Variants in OPRM1 observed in about 807,000 individuals in gnomAD.
OPRM1 encodes the protein mu-type opioid receptor.
Under a neutral mutation model 31.8 loss-of-function variants are expected in OPRM1, and 27 were observed. That is an observed-to-expected ratio of 0.85 (90% CI 0.63 to 1.17). The LOEUF is 1.17. Among genes scored for constraint, OPRM1 ranks in the 50% most tolerant of loss-of-function variants. The pLI, the probability that OPRM1 is intolerant of heterozygous loss-of-function variation, is 0.00. For missense variants in OPRM1, 536 were observed against 511.1 expected (o/e 1.05, Z -0.47); for synonymous variants, 196 against 189.9 (o/e 1.03, Z -0.26).
chr6:154,211,580 A>G (rs564171533), intron 3 of OPRM1, among the ~76,000 whole-genome samples: 1 of 152,300 alleles, frequency 6.6e-6, no homozygotes, highest in Admixed American at 6.5e-5. Flanking sequence ...CATGACCTAG[A>G]ATAGGAAACA....
intron 3 of OPRM1, chr6:154,246,641 AC>A: frequency 1.2e-6 from 2 of 1,613,962 alleles, no homozygotes; most frequent in South Asian, 2.2e-5. Context: ...ATCACCCAGA[AC>A]TTTTTCCATT....
intron 3 of OPRM1, among the ~76,000 whole-genome samples, chr6:154,244,596 T>G (rs1780883307): frequency 6.6e-6 from 1 of 152,176 alleles, no homozygotes; most frequent in Non-Finnish European, 1.5e-5. Flanking sequence ...GCCTAGTCTG[T>G]CAACACTGCT....
intron 1 of OPRM1, chr6:154,087,329 T>C (rs1453004181): frequency 1.0e-6 from 1 of 985,350 alleles, no homozygotes; most frequent in African/African-American, 1.7e-5. Flanking sequence ...AATTCAGTCC[T>C]AAACAAAGGG....
chr6:154,184,769 G>A (rs1801192328), intron 3 of OPRM1, among the ~76,000 whole-genome samples: 1 of 150,180 alleles, frequency 6.7e-6, no homozygotes, highest in Non-Finnish European at 1.5e-5. Context: ...TTTTTTCTTG[G>A]TATCTTTCCA....
upstream of OPRM1, among the ~76,000 whole-genome samples, chr6:154,035,992 T>C (rs1408853842): frequency 2.0e-5 from 3 of 152,084 alleles, no homozygotes; most frequent in African/African-American, 7.2e-5. Context: ...ATAATTATGT[T>C]TGTAATAAAT....
intron 3 of OPRM1, among the ~76,000 whole-genome samples, chr6:154,100,350 T>C (rs747511879): frequency 5.3e-5 from 8 of 150,910 alleles, no homozygotes; most frequent in Non-Finnish European, 1.2e-4. Flanking sequence ...GCCAGTGGTG[T>C]GTGCTAAAGG....
At chr6:154,208,396 G>A (rs1016870563) in intron 3 of OPRM1, among the ~76,000 whole-genome samples, 10 of 152,136 alleles carry the variant, frequency 6.6e-5, no homozygotes, top group East Asian at 1.9e-4. Context: ...TCAGTCGGAC[G>A]TGTCCTGGCT....
intron 3 of OPRM1, among the ~76,000 whole-genome samples, chr6:154,175,433 T>C (rs1465773320): frequency 2.7e-5 from 4 of 146,912 alleles, no homozygotes; most frequent in Non-Finnish European, 6.0e-5. Flanking sequence ...ATGGTAGCAA[T>C]ACTAATAAAG....
intron 3 of OPRM1, among the ~76,000 whole-genome samples, chr6:154,187,046 C>A (rs1801433666): frequency 1.3e-5 from 2 of 152,200 alleles, no homozygotes; most frequent in African/African-American, 2.4e-5. Flanking sequence ...TCTACACACT[C>A]CACACTCTGT....
intron 3 of OPRM1, among the ~76,000 whole-genome samples, chr6:154,140,394 G>T (rs1024118997): frequency 6.6e-6 from 1 of 150,996 alleles, no homozygotes; most frequent in South Asian, 2.1e-4. Context: ...GCAGTGGCAC[G>T]ATCTCAGATC....
intron 3 of OPRM1, among the ~76,000 whole-genome samples, chr6:154,183,654 T>C (rs959233794): frequency 6.6e-6 from 1 of 152,148 alleles, no homozygotes; most frequent in Admixed American, 6.5e-5. Context: ...ATCCCAGGAC[T>C]TTTTGAGGCC....
At chr6:154,216,747 A>C (rs1778426781) in intron 3 of OPRM1, among the ~76,000 whole-genome samples, 1 of 152,196 alleles carries the variant, frequency 6.6e-6, no homozygotes, top group South Asian at 2.1e-4. Context: ...ACACGCCTAT[A>C]ATCCCAGCTA....
At chr6:154,153,422 G>T (rs1157987073) in intron 3 of OPRM1, among the ~76,000 whole-genome samples, 5 of 152,168 alleles carry the variant, frequency 3.3e-5, no homozygotes, top group Admixed American at 3.3e-4. Context: ...GGTGGCTTAC[G>T]CCTGTAATCC....
At chr6:154,042,501 T>C (rs1460472985) in intron 1 of OPRM1, among the ~76,000 whole-genome samples, 3 of 152,244 alleles carry the variant, frequency 2.0e-5, no homozygotes, top group Middle Eastern at 3.2e-3. Flanking sequence ...TAAAATGTTT[T>C]AGTACATTGA....
chr6:154,185,407 AAGTT>A (rs1801250641), intron 3 of OPRM1, among the ~76,000 whole-genome samples: 1 of 152,200 alleles, frequency 6.6e-6, no homozygotes, highest in Non-Finnish European at 1.5e-5. Context: ...TAATGGCAAA[AAGTT>A]AGAGTTTAGA....
At chr6:154,096,401 A>G (rs1211522534) in intron 3 of OPRM1, among the ~76,000 whole-genome samples, 9 of 152,080 alleles carry the variant, frequency 5.9e-5, no homozygotes. Flanking sequence ...GATTATTGAA[A>G]ACGTTTAGCA....
At chr6:154,199,609 G>T (rs2128591139) in intron 3 of OPRM1, 1 of 1,456,728 alleles carries the variant, frequency 6.9e-7, no homozygotes. Flanking sequence ...TAATATTACA[G>T]TTCCATATAC....
chr6:154,116,893 G>A (rs1013405613), intron 3 of OPRM1, among the ~76,000 whole-genome samples: 1 of 152,090 alleles, frequency 6.6e-6, no homozygotes, highest in African/African-American at 2.4e-5. Flanking sequence ...CCTTGGATCT[G>A]CATCTTGGTA....
intron 3 of OPRM1, among the ~76,000 whole-genome samples, chr6:154,109,253 G>A (rs993277722): frequency 6.6e-6 from 1 of 152,222 alleles, no homozygotes; most frequent in African/African-American, 2.4e-5. Context: ...AATGTGAATA[G>A]GGAATTGGAC....
Sources: allele counts gnomAD v4.1 joint callset (sites outside exome capture counted in the v4.1 genomes callset), GRCh38; gene constraint gnomAD v4.1.1; transcripts MANE v1.5; gene names NCBI Gene and HGNC (gene_info 2026-07-23, HGNC 2026-07-21).